The following FGF9 variants were observed in gnomAD, a reference collection of about 807,000 sequenced individuals.
FGF9 encodes the protein fibroblast growth factor 9, also known as fibroblast growth factor 9 (glia-activating factor).
A neutral mutation model predicts 19.9 loss-of-function variants in FGF9; 3 were observed. The observed-to-expected ratio is 0.15, with a 90% CI of 0.07 to 0.39. The LOEUF is 0.39. FGF9 is among the 10% of genes least tolerant of loss of function. FGF9 has a pLI of 1.00. For missense variants in FGF9, 175 were observed against 256.8 expected (o/e 0.68, Z 2.18); for synonymous variants, 107 against 106.9 (o/e 1.00, Z -0.01).
intron 2 of FGF9, among the ~76,000 whole-genome samples, chr13:21,696,914 A>C (rs1872423100): frequency 6.6e-6 from 1 of 152,236 alleles, no homozygotes. Flanking sequence ...GATTTAGATG[A>C]GTAACACAGT....
intron 2 of FGF9, among the ~76,000 whole-genome samples, chr13:21,681,848 A>G (rs184646441): frequency 1.3e-5 from 2 of 152,298 alleles, no homozygotes; most frequent in African/African-American, 4.8e-5. Context: ...CTTTACTCCT[A>G]TTAATGCAGT....
At chr13:21,696,161 T>C (rs1593099350) in intron 2 of FGF9, among the ~76,000 whole-genome samples, 1 of 152,258 alleles carries the variant, frequency 6.6e-6, no homozygotes, top group Non-Finnish European at 1.5e-5. Context: ...TTATGTGTTA[T>C]AACATTCCTA....
chr13:21,675,507 G>C (rs2138128819), intron 1 of FGF9, among the ~76,000 whole-genome samples: 1 of 152,024 alleles, frequency 6.6e-6, no homozygotes, highest in African/African-American at 2.4e-5. Context: ...GGGAGGGGGC[G>C]AGGGGGCTGC....
In FGF9 at chr13:21,692,750, C is replaced by T. The variant is rs17840896; in HGVS notation, c.382-8440C>T. The stretch of plus-strand genomic sequence containing the variant: ...AGACGCACTGACACTGTGTTTCTTG[C>T]GAGTTTGAATTCTGAAATTAAGACC... On this transcript the variant is annotated intron_variant, in intron 2 of 2. Coordinates refer to ENST00000382353, the MANE Select transcript of FGF9 (RefSeq NM_002010.3). 3.4e-3 allele frequency among the ~76,000 whole-genome samples: 512 copies of T among 152,204 alleles called. 5 individuals are homozygous for T. Among genetic ancestry groups the T allele is most frequent in the East Asian group, 0.021 (111 of 5,180 alleles).
intron 2 of FGF9, among the ~76,000 whole-genome samples, chr13:21,697,309 C>T (rs1357545857): frequency 2.6e-5 from 4 of 152,060 alleles, no homozygotes; most frequent in African/African-American, 9.7e-5. Flanking sequence ...CCACCATGCC[C>T]AGCTAATTTT....
At chr13:21,679,677 G>A (rs1441955949) in intron 1 of FGF9, among the ~76,000 whole-genome samples, 1 of 150,772 alleles carries the variant, frequency 6.6e-6, no homozygotes, top group African/African-American at 2.4e-5. Context: ...GGTAGCTCAC[G>A]CCTGTAATCC....
chr13:21,679,709 C>A (rs1000648288), intron 1 of FGF9, among the ~76,000 whole-genome samples: 2 of 147,304 alleles, frequency 1.4e-5, no homozygotes, highest in Non-Finnish European at 3.0e-5. Flanking sequence ...GAAGCCGAGG[C>A]GGGTCGATCA....
chr13:21,674,600 T>A (rs1273859152), intron 1 of FGF9, among the ~76,000 whole-genome samples: 1 of 151,966 alleles, frequency 6.6e-6, no homozygotes, highest in Non-Finnish European at 1.5e-5. Flanking sequence ...AGCCTGTCTT[T>A]GAGAGACCCT....
At chr13:21,700,826 C>A (rs537162007) in intron 2 of FGF9, among the ~76,000 whole-genome samples, 2 of 152,228 alleles carry the variant, frequency 1.3e-5, no homozygotes, top group African/African-American at 4.8e-5. Context: ...GTGTTTTAGT[C>A]ATTATGAGTT....
At position 21,701,701 on chromosome 13, in the gene FGF9, G is replaced by A. The variant is rs557670544; in HGVS notation, c.*266G>A. 7 of 446,294 alleles carry A rather than the reference G, an allele frequency of 1.6e-5. No homozygotes were observed. Among genetic ancestry groups the A allele is most frequent in the African/African-American group, 1.5e-4 (6 of 39,128 alleles). 27.6% of individuals were successfully genotyped at this position (446,294 alleles called of 1,614,324 possible). On this transcript the variant is annotated 3_prime_UTR_variant, in exon 3 of 3. Coordinates refer to ENST00000382353, the MANE Select transcript of FGF9 (RefSeq NM_002010.3). ...GAGAGAGAGAGACTGAGCGCTAGGA[G>A]TGTGTGTATGTGTGTGTGTGTGTGT...
intron 2 of FGF9, among the ~76,000 whole-genome samples, chr13:21,690,381 A>G (rs948756507): frequency 6.6e-6 from 1 of 151,964 alleles, no homozygotes; most frequent in Non-Finnish European, 1.5e-5. Flanking sequence ...AGACATACCC[A>G]CGTGCTTATA....
intron 1 of FGF9, among the ~76,000 whole-genome samples, chr13:21,673,694 C>T (rs1159410856): frequency 6.6e-6 from 1 of 151,918 alleles, no homozygotes; most frequent in Non-Finnish European, 1.5e-5. Flanking sequence ...AGGCAGTGGG[C>T]GGCCCTGGGT....
rs1024585241 is a variant in FGF9 at position 21,682,201 on chromosome 13, C to T, written c.381+1056C>T. Among the ~76,000 whole-genome samples the T allele has an allele frequency of 2.6e-5, 4 of 151,390 alleles. No individual in the cohort carries two copies. The South Asian group carries it at 8.3e-4, about 32-fold the overall frequency. ...CGAAAATTTTTTTTTTTTGTAGAGACAAGGTCACGCTATGTTGCTCAGGCT... is the reference window on the plus strand; with the variant it reads ...CGAAAATTTTTTTTTTTTGTAGAGATAAGGTCACGCTATGTTGCTCAGGCT... On this transcript the variant is annotated intron_variant, in intron 2 of 2. Coordinates refer to ENST00000382353, the MANE Select transcript of FGF9 (RefSeq NM_002010.3).
rs1274933412 is a variant in FGF9 at position 21,672,463 on chromosome 13, T to C, written c.277+274T>C. Reference sequence around the variant, plus strand: ...GCATAATTTATAAATATAATACAAGTTTCCAGTTCTTTTGCATCAGATACA... The same window carrying C: ...GCATAATTTATAAATATAATACAAGCTTCCAGTTCTTTTGCATCAGATACA... On this transcript the variant is annotated intron_variant, in intron 1 of 2. Transcript: ENST00000382353. This position sits in a 1 kb window ranked among gnomAD's most constrained non-coding sequence, Gnocchi z 4.2. Among the ~76,000 whole-genome samples, 3 of 152,232 alleles carry C rather than the reference T, an allele frequency of 2.0e-5. No homozygotes were observed. Among genetic ancestry groups the C allele is most frequent in the African/African-American group, 7.2e-5 (3 of 41,462 alleles).
chr13:21,681,695 A>G (rs1872046335), intron 2 of FGF9, among the ~76,000 whole-genome samples: 2 of 152,226 alleles, frequency 1.3e-5, no homozygotes, highest in South Asian at 4.1e-4. Flanking sequence ...CTAGGTTGTA[A>G]GGTCCTCATG....
chr13:21,671,258 G>C lies in FGF9; in HGVS notation c.-655G>C. 3.8e-6 allele frequency: 1 copy of C among 263,494 alleles called. No individual in the cohort carries two copies. Among genetic ancestry groups the C allele is most frequent in the Non-Finnish European group, 7.1e-6 (1 of 141,512 alleles). 16.3% of individuals were successfully genotyped at this position (263,494 alleles called of 1,614,324 possible). A position where few individuals can be genotyped will look rare whatever the true frequency, so the allele number is the denominator to read the frequency against. ...AATGGACATCTGCCGAGCCTCTGGA[G>C]AATCCTGGATACTAGCTTTGGACGC... On this transcript the variant is annotated 5_prime_UTR_variant, in exon 1 of 3. Transcript: ENST00000382353.
chr13:21,693,098 T>C (rs1565952515), intron 2 of FGF9, among the ~76,000 whole-genome samples: 1 of 152,194 alleles, frequency 6.6e-6, no homozygotes, highest in East Asian at 1.9e-4. Flanking sequence ...TGCCAGCATA[T>C]TCATTTGGTG....
chr13:21,701,127 G>T (rs1242897061), intron 2 of FGF9, 63 bp from the exon 3 acceptor site: 1 of 1,371,376 alleles, frequency 7.3e-7, no homozygotes, highest in Non-Finnish European at 1.0e-6. Context: ...CCATCCCCTA[G>T]GTATTAAGCC....
At chr13:21,692,460 A>C (rs1316067764) in intron 2 of FGF9, among the ~76,000 whole-genome samples, 3 of 152,174 alleles carry the variant, frequency 2.0e-5, no homozygotes, top group Admixed American at 2.0e-4. Context: ...TGCAACTTGG[A>C]GATGAAGCAC....
Sources: gnomAD v4.1 joint callset for allele counts (sites outside exome capture counted in the v4.1 genomes callset) on GRCh38, gnomAD v4.1.1 for gene constraint, Gnocchi (gnomAD v3.1) non-coding constraint, MANE v1.5 for transcripts, NCBI Gene and HGNC (gene_info 2026-07-23, HGNC 2026-07-21) for gene names.